HDX: variants seen among roughly 807,000 people sequenced by gnomAD.
HDX encodes the protein highly divergent homeobox.
HDX carries 19 observed loss-of-function variants against 45.2 expected under a neutral mutation model. The ratio of observed to expected loss-of-function variants is 0.42; its 90% confidence interval spans 0.29 to 0.62. HDX has a LOEUF of 0.62. Ranked by LOEUF, HDX falls within the 20% of genes least tolerant of loss-of-function variation. The pLI, the probability that HDX is intolerant of heterozygous loss-of-function variation, is 0.20. For missense variants in HDX, 532 were observed against 493.9 expected, an observed-to-expected ratio of 1.08 and a Z score of -0.73; for synonymous variants, 188 against 172.8, an observed-to-expected ratio of 1.09 and a Z score of -0.69.
chrX:84,502,317 C>T (rs987278247), intron 1 of HDX, 25 bp downstream of exon 1: 40 of 110,777 alleles, frequency 3.6e-4, no homozygotes, highest in African/African-American at 1.3e-3. Context: ...TCGCCCTTCT[C>T]ACCCACTTAG....
In HDX at chrX:84,321,909, T is replaced by G; in HGVS notation, c.2053A>C (p.Asn685His). ...TGAAATCACAAACTTTCTGAGACAT[T>G]TTTCTCTGACAAAGAAGATACACTG... is the stretch of plus-strand genomic sequence containing the variant. ...SFSVSSLSEK[N>H]VSESL is the part of the protein sequence containing the mutation. Residue 685 changes from asparagine to histidine, a missense_variant, in exon 11 of 11, where the codon AAT becomes CAT. This residue lies in a region of HDX where 151 missense variants were observed against 131.8 expected (regional missense o/e 1.15). Coordinates refer to ENST00000373177, the MANE Select transcript of HDX (RefSeq NM_001177479.2). The G allele has an allele frequency of 8.4e-7, 1 of 1,191,686 alleles. No homozygotes were observed. Among genetic ancestry groups the G allele is most frequent in the Non-Finnish European group, 1.1e-6 (1 of 883,048 alleles).
intron 9 of HDX, among the ~76,000 whole-genome samples, chrX:84,328,995 G>A (rs975917040): frequency 1.8e-5 from 2 of 112,076 alleles, no homozygotes; most frequent in South Asian, 3.7e-4. Flanking sequence ...AGGCTTCCAG[G>A]TCAAACACAG....
chrX:84,389,053 G>A, intron 5 of HDX, among the ~76,000 whole-genome samples: 1 of 111,771 alleles, frequency 8.9e-6, no homozygotes, highest in Non-Finnish European at 1.9e-5. Context: ...ATTGTGCTCG[G>A]TTTCACAGGT....
intron 8 of HDX, among the ~76,000 whole-genome samples, chrX:84,336,591 C>T (rs1364232311): frequency 9.0e-6 from 1 of 111,209 alleles, no homozygotes; most frequent in Non-Finnish European, 1.9e-5. Flanking sequence ...TTGCACATCT[C>T]CTCAATCAAA....
intron 6 of HDX, among the ~76,000 whole-genome samples, chrX:84,354,930 CATAT>C (rs72331919): frequency 0.058 from 4,271 of 74,260 alleles, 132 homozygotes; most frequent in African/African-American, 0.075. Context: ...CACACACACA[CATAT>C]ATATATATAT....
At chrX:84,409,355 C>T (rs187724536) in intron 5 of HDX, among the ~76,000 whole-genome samples, 12,470 of 110,519 alleles carry the variant, frequency 0.11, 631 homozygotes, top group South Asian at 0.27. Context: ...CCATTTGACC[C>T]AGCCATCCCA....
intron 3 of HDX, among the ~76,000 whole-genome samples, chrX:84,471,226 C>T (rs1376668159): frequency 1.0e-5 from 1 of 95,760 alleles, no homozygotes; most frequent in African/African-American, 3.9e-5. Flanking sequence ...GTATTGAATC[C>T]CCATTATGTG....
At chrX:84,480,707 T>A (rs1181626777) in intron 2 of HDX, among the ~76,000 whole-genome samples, 2 of 111,328 alleles carry the variant, frequency 1.8e-5, no homozygotes, top group Non-Finnish European at 3.8e-5. Flanking sequence ...ATTCCTGGAA[T>A]AAACCTCACT....
chrX:84,365,356 A>G (rs1173646023), intron 5 of HDX, among the ~76,000 whole-genome samples: 2 of 111,478 alleles, frequency 1.8e-5, no homozygotes, highest in Non-Finnish European at 1.9e-5. Flanking sequence ...CAAAACCATG[A>G]CACCCAACAC....
intron 5 of HDX, among the ~76,000 whole-genome samples, chrX:84,413,666 T>G (rs2147992485): frequency 8.9e-6 from 1 of 112,154 alleles, no homozygotes; most frequent in Non-Finnish European, 1.9e-5. Context: ...TTTGAAGGTT[T>G]AATTTAATGA....
At chrX:84,387,214 A>G (rs2038339801) in intron 5 of HDX, among the ~76,000 whole-genome samples, 1 of 112,044 alleles carries the variant, frequency 8.9e-6, no homozygotes, top group Admixed American at 9.5e-5. Context: ...GTGTGATTTC[A>G]ATTTTTCTTA....
At chrX:84,357,271 A>T (rs1384217048) in intron 6 of HDX, among the ~76,000 whole-genome samples, 1 of 111,521 alleles carries the variant, frequency 9.0e-6, no homozygotes, top group Non-Finnish European at 1.9e-5. Context: ...CTCTAAGATG[A>T]TGGAATTATT....
chrX:84,376,018 C>A (rs1433658262), intron 5 of HDX, among the ~76,000 whole-genome samples: 1 of 112,234 alleles, frequency 8.9e-6, no homozygotes, highest in East Asian at 2.8e-4. Flanking sequence ...GAATAGAAGG[C>A]TCGACTGATC....
At chrX:84,328,542 A>G (rs2036768981) in intron 9 of HDX, among the ~76,000 whole-genome samples, 1 of 111,990 alleles carries the variant, frequency 8.9e-6, no homozygotes, top group Non-Finnish European at 1.9e-5. Flanking sequence ...GAGATGAGCA[A>G]CAAAGTAAAA....
chrX:84,321,586 T>C lies in HDX; in HGVS notation c.*303A>G, dbSNP rs758013435. On this transcript the variant is annotated 3_prime_UTR_variant, in exon 11 of 11. Transcript: ENST00000373177. Reference sequence around the variant, plus strand: ...AGCAATGCTGAAATGTCTTTAGTTATTTTGTCTCTGGTTAGAAATTAGACA... The same window carrying C: ...AGCAATGCTGAAATGTCTTTAGTTACTTTGTCTCTGGTTAGAAATTAGACA... The C allele has an allele frequency of 7.4e-6, 1 of 134,824 alleles. No homozygotes were observed. The highest frequency in any genetic ancestry group is 1.9e-4 in the East Asian group (1 of 5,230). The allele number at this position is 134,824 out of a possible 1,213,427, so 11.1% of individuals were successfully genotyped here.
At chrX:84,398,677 G>T (rs913290290) in intron 5 of HDX, among the ~76,000 whole-genome samples, 4 of 111,338 alleles carry the variant, frequency 3.6e-5, no homozygotes, top group Non-Finnish European at 5.7e-5. Flanking sequence ...AAATTAGCAG[G>T]GATATTTAGG....
Position 84,326,198 on chromosome X carries a change from C to A in HDX, c.1927G>T (p.Asp643Tyr). ...VRSLILAMKA[D>Y]DKEQQQALLS... ...CCTACCTGCTGTTGTTCCTTATCAT[C>A]AGCTTTCATTGCTAATATCAAGCTT... is the stretch of plus-strand genomic sequence containing the variant. The change falls in exon 10 of 11, where the codon GAT becomes TAT. Residue 643 changes from aspartate (D) to tyrosine (Y), a missense_variant. Coordinates refer to ENST00000373177, the MANE Select transcript of HDX (RefSeq NM_001177479.2). 2 of 1,207,311 alleles carry A rather than the reference C, an allele frequency of 1.7e-6. No homozygotes were observed. Among genetic ancestry groups the A allele is most frequent in the Non-Finnish European group, 2.2e-6 (2 of 891,700 alleles).
chrX:84,453,054 A>G (rs2040035900), intron 4 of HDX, among the ~76,000 whole-genome samples: 1 of 111,975 alleles, frequency 8.9e-6, no homozygotes, highest in South Asian at 3.7e-4. Context: ...ATATTTGCAA[A>G]CTCTTCATCT....
intron 10 of HDX, 46 bp downstream of exon 10, chrX:84,326,132 T>G (rs2036705248): frequency 8.5e-7 from 1 of 1,173,580 alleles, no homozygotes; most frequent in African/African-American, 1.8e-5. Context: ...ACATACCATT[T>G]TTTGACTTGA....
Sources: gnomAD v4.1 joint callset for allele counts (sites outside exome capture counted in the v4.1 genomes callset) on GRCh38, gnomAD v4.1.1 for gene constraint, gnomAD v4.1.1 regional missense constraint, MANE v1.5 for transcripts, NCBI Gene and HGNC (gene_info 2026-07-23, HGNC 2026-07-21) for gene names.